Variants in TAMALIN observed in about 807,000 individuals in gnomAD.
The protein encoded by TAMALIN is trafficking regulator and scaffold protein tamalin.
Under a neutral mutation model 38.5 loss-of-function variants are expected in TAMALIN, and 9 were observed. That is an observed-to-expected ratio of 0.23 (90% CI 0.14 to 0.41). The LOEUF (loss-of-function observed/expected upper bound fraction) is 0.41. Among genes scored for constraint, TAMALIN ranks in the 10% least tolerant of loss-of-function variants. The pLI is 1.00. For synonymous variants in TAMALIN, 306 were observed against 256.5 expected (o/e 1.19, Z -1.85); for missense variants, 548 against 554.1 (o/e 0.99, Z 0.11).
chr12:52,015,103 C>G lies in TAMALIN; in HGVS notation c.1092C>G (p.Gly364=), dbSNP rs1424629866. ...GCGAGCAGGCCCTATGCGGCCCCGG[C>G]CTGCGCAAAACCAAGTACCGCAGCT... ...EAREQALCGP[G]LRKTKYRSFR... The change falls in exon 8 of 8, where the codon GGC becomes GGG. Residue 364 remains glycine, a synonymous_variant. Transcript: ENST00000293662. The G allele has an allele frequency of 6.4e-7, 1 of 1,570,362 alleles. No homozygotes were observed. The highest frequency in any genetic ancestry group is 8.6e-7 in the Non-Finnish European group (1 of 1,166,320).
At position 52,015,386 on chromosome 12, in the gene TAMALIN, T is replaced by A; in HGVS notation, c.*187T>A. 4 of 667,804 alleles carry A rather than the reference T, an allele frequency of 6.0e-6. No individual in the cohort carries two copies. The highest frequency in any genetic ancestry group is 9.3e-6 in the Non-Finnish European group (4 of 431,080). 41.4% of individuals were successfully genotyped at this position (667,804 alleles called of 1,614,324 possible). A position where few individuals can be genotyped will look rare whatever the true frequency, so the allele number is the denominator to read the frequency against. ...GGAGTGGGGGGCCCAGCCCCTTCTC[T>A]TCTCCCCCGCCAAACCACAGTGGGA... is the stretch of plus-strand genomic sequence containing the variant. On this transcript the variant is annotated 3_prime_UTR_variant, in exon 8 of 8. Coordinates refer to ENST00000293662, the MANE Select transcript of TAMALIN (RefSeq NM_181711.4).
In TAMALIN at chr12:52,011,246, C is replaced by T. The variant is rs1196209207; in HGVS notation, c.454+105C>T. On this transcript the variant is annotated intron_variant, in intron 4 of 7. Coordinates refer to ENST00000293662, the MANE Select transcript of TAMALIN (RefSeq NM_181711.4). The surrounding 1 kb of genome is among the most constrained non-coding windows in gnomAD (Gnocchi z 5.3). ...CCTGAAATCAATTCCTCTTCCTTTTCCTTCTTTGAGAAGGCCAGAAAGAAG... is the reference window on the plus strand; with the variant it reads ...CCTGAAATCAATTCCTCTTCCTTTTTCTTCTTTGAGAAGGCCAGAAAGAAG... The T allele has an allele frequency of 3.2e-6, 5 of 1,566,468 alleles. No homozygotes were observed. The highest frequency in any genetic ancestry group is 1.7e-4 in the Middle Eastern group (1 of 6,028).
chr12:52,010,823 G>A, intron 2 of TAMALIN, 58 bp from the exon 3 acceptor site: 1 of 1,586,940 alleles, frequency 6.3e-7, no homozygotes, highest in Non-Finnish European at 8.6e-7. Context: ...GGAGGCCCAA[G>A]CTATGGGACT....
rs1937771906 is a variant in TAMALIN at position 52,015,072 on chromosome 12, A to C, written c.1061A>C (p.Glu354Ala). The C allele has an allele frequency of 2.0e-6, 3 of 1,495,150 alleles. No individual in the cohort carries two copies. The highest frequency in any genetic ancestry group is 2.7e-6 in the Non-Finnish European group (3 of 1,130,508). 92.6% of individuals were successfully genotyped at this position (1,495,150 alleles called of 1,614,324 possible). A position where few individuals can be genotyped will look rare whatever the true frequency, so the allele number is the denominator to read the frequency against. Residue 354 changes from glutamate to alanine, a missense_variant, in exon 8 of 8, where the codon GAG becomes GCG. Glu to Ala is a moderately radical substitution (Grantham distance 107). This residue lies in a region of TAMALIN where 415 missense variants were observed against 417.0 expected (regional missense o/e 1.00). Transcript: ENST00000293662. ...GGCGCGCCGGGCGCGCTCTGGACTG[A>C]GGCTCGCGAGCAGGCCCTATGCGGC... ...GGGAPGALWTEAREQALCGPG... is the reference protein window; with the variant it reads ...GGGAPGALWTAAREQALCGPG...
Position 52,015,563 on chromosome 12 carries a change from T to G in TAMALIN, c.*364T>G. 1 of 197,182 alleles carries G rather than the reference T, an allele frequency of 5.1e-6. No homozygotes were observed. 12.2% of individuals were successfully genotyped at this position (197,182 alleles called of 1,614,324 possible). A position where few individuals can be genotyped will look rare whatever the true frequency, so the allele number is the denominator to read the frequency against. On this transcript the variant is annotated 3_prime_UTR_variant, in exon 8 of 8. Coordinates refer to ENST00000293662, the MANE Select transcript of TAMALIN (RefSeq NM_181711.4). Reference sequence around the variant, plus strand: ...CATGAAGCCCTCTCCTCAGCTTTACTTGCTCCCCCGCCCTTAGCCTTGGGG... The same window carrying G: ...CATGAAGCCCTCTCCTCAGCTTTACGTGCTCCCCCGCCCTTAGCCTTGGGG...
chr12:52,012,785 A>T (rs562591480), intron 4 of TAMALIN, among the ~76,000 whole-genome samples: 1 of 152,340 alleles, frequency 6.6e-6, no homozygotes, highest in East Asian at 1.9e-4. Context: ...GACATGGGGC[A>T]CACTGTGCTT....
chr12:52,013,624 G>A, intron 4 of TAMALIN, 63 bp from the exon 5 acceptor site: 3 of 1,429,860 alleles, frequency 2.1e-6, no homozygotes, highest in African/African-American at 1.4e-5. Context: ...TCTGGCTAAG[G>A]TAGGAGGCTG....
At position 52,007,334 on chromosome 12, in the gene TAMALIN, C is replaced by T; in HGVS notation, c.246+69C>T. ...GACTCCCTACAGGGCCTGCTGACTCCGCAGTGCCCTCTCCTCGGCGTCCGC... is the reference window on the plus strand; with the variant it reads ...GACTCCCTACAGGGCCTGCTGACTCTGCAGTGCCCTCTCCTCGGCGTCCGC... On this transcript the variant is annotated intron_variant, in intron 1 of 7. Coordinates refer to ENST00000293662, the MANE Select transcript of TAMALIN (RefSeq NM_181711.4). The surrounding 1 kb of genome is among the most constrained non-coding windows in gnomAD (Gnocchi z 6.7). 2 of 1,337,656 alleles carry T rather than the reference C, an allele frequency of 1.5e-6. No individual in the cohort carries two copies. Among genetic ancestry groups the T allele is most frequent in the Non-Finnish European group, 1.9e-6 (2 of 1,044,408 alleles). 82.9% of individuals were successfully genotyped at this position (1,337,656 alleles called of 1,614,324 possible). A position where few individuals can be genotyped will look rare whatever the true frequency, so the allele number is the denominator to read the frequency against.
In TAMALIN at chr12:52,007,597, G is replaced by A. The variant is rs1419501945; in HGVS notation, c.246+332G>A. On this transcript the variant is annotated intron_variant, in intron 1 of 7. Transcript: ENST00000293662. The surrounding 1 kb of genome is among the most constrained non-coding windows in gnomAD (Gnocchi z 6.7). ...CGCCTCCCCGTGGCCAGGTGTCCTG[G>A]GTCCCCAGGAGCCCCTCGCCCGAGG... 1.0e-6 allele frequency: 1 copy of A among 985,110 alleles called. No individual in the cohort carries two copies. Among genetic ancestry groups the A allele is most frequent in the East Asian group, 1.1e-4 (1 of 8,798 alleles). The allele number at this position is 985,110 out of a possible 1,614,324, so 61.0% of individuals were successfully genotyped here. A position where few individuals can be genotyped will look rare whatever the true frequency, so the allele number is the denominator to read the frequency against.
chr12:52,014,977 T>TGGGCCGC lies in TAMALIN; in HGVS notation c.975_981dup (p.Leu328GlyfsTer29), dbSNP rs1365585851. ...AGACCCCTGCCGTGGGGCCGGGCCCTGGGCCGCGGGCCGCGCTGAGCCGCA... is the reference window on the plus strand; with the variant it reads ...AGACCCCTGCCGTGGGGCCGGGCCCTGGGCCGCGGGCCGCGGGCCGCGCTGAGCCGCA... On this transcript the variant is annotated frameshift_variant, in exon 8 of 8. Transcript: ENST00000293662. LOFTEE classifies it high-confidence loss of function. 1 of 970,942 alleles carries TGGGCCGC rather than the reference T, an allele frequency of 1.0e-6. No homozygotes were observed. The highest frequency in any genetic ancestry group is 1.2e-6 in the Non-Finnish European group (1 of 817,822). The allele number at this position is 970,942 out of a possible 1,614,324, so 60.1% of individuals were successfully genotyped here. A position where few individuals can be genotyped will look rare whatever the true frequency, so the allele number is the denominator to read the frequency against.
In TAMALIN at chr12:52,007,525, C is replaced by A. The variant is rs1195014081; in HGVS notation, c.246+260C>A. On this transcript the variant is annotated intron_variant, in intron 1 of 7. Transcript: ENST00000293662. The surrounding 1 kb of genome is among the most constrained non-coding windows in gnomAD (Gnocchi z 6.7). Reference sequence around the variant, plus strand: ...TCTCCCTCCTTGACTCCTCCCAGCACCCCCCTTCTCCTACCCGCTCCATCT... The same window carrying A: ...TCTCCCTCCTTGACTCCTCCCAGCAACCCCCTTCTCCTACCCGCTCCATCT... 3 of 983,484 alleles carry A rather than the reference C, an allele frequency of 3.1e-6. No individual in the cohort carries two copies. The highest frequency in any genetic ancestry group is 3.6e-6 in the Non-Finnish European group (3 of 828,332). 60.9% of individuals were successfully genotyped at this position (983,484 alleles called of 1,614,324 possible). A position where few individuals can be genotyped will look rare whatever the true frequency, so the allele number is the denominator to read the frequency against.
In TAMALIN at chr12:52,008,015, T is replaced by C. The variant is rs942032613; in HGVS notation, c.246+750T>C. The C allele has an allele frequency of 3.3e-5, 33 of 985,410 alleles. No homozygotes were observed. The African/African-American group carries it at 5.6e-4, about 17-fold the overall frequency. 61.0% of individuals were successfully genotyped at this position (985,410 alleles called of 1,614,324 possible). ...GTTAAGAAGAGGGGCCTGGTGGCCT[T>C]TCCTCACCCAGCCGCCCTCCTTCGC... On this transcript the variant is annotated intron_variant, in intron 1 of 7. Coordinates refer to ENST00000293662, the MANE Select transcript of TAMALIN (RefSeq NM_181711.4).
rs1294778550 is a variant in TAMALIN at position 52,014,140 on chromosome 12, C to T, written c.621C>T (p.Thr207=). 4 of 1,604,092 alleles carry T rather than the reference C, an allele frequency of 2.5e-6. No homozygotes were observed. Among genetic ancestry groups the T allele is most frequent in the Non-Finnish European group, 3.4e-6 (4 of 1,175,004 alleles). ...GTGGGGACTGTCTCTTGCAGCAAAC[C>T]CTGTATGAGAAGTGGGGAGAGTACA... The part of the protein sequence containing the change: ...LEARLQYLKQ[T]LYEKWGEYRS... The change falls in exon 7 of 8, where the codon ACC becomes ACT. Residue 207 remains threonine (T), a synonymous_variant. Coordinates refer to ENST00000293662, the MANE Select transcript of TAMALIN (RefSeq NM_181711.4).
Position 52,011,443 on chromosome 12 carries a change from GCT to G in TAMALIN, c.454+305_454+306del, listed in dbSNP as rs1324233272. Reference sequence around the variant, plus strand: ...ATTAATGGTGGATGATGCTGCTGCTGCTCTGATTCCTCCCAGCAACCCTGGCA... The same window carrying G: ...ATTAATGGTGGATGATGCTGCTGCTGCTGATTCCTCCCAGCAACCCTGGCA... On this transcript the variant is annotated intron_variant, in intron 4 of 7. Transcript: ENST00000293662. This position sits in a 1 kb window ranked among gnomAD's most constrained non-coding sequence, Gnocchi z 5.3. 1.9e-5 allele frequency: 11 copies of G among 583,094 alleles called. No homozygotes were observed. The highest frequency in any genetic ancestry group is 6.1e-6 in the Non-Finnish European group (2 of 326,202). 36.1% of individuals were successfully genotyped at this position (583,094 alleles called of 1,614,324 possible). A position where few individuals can be genotyped will look rare whatever the true frequency, so the allele number is the denominator to read the frequency against.
chr12:52,007,159 C>A lies in TAMALIN; in HGVS notation c.140C>A (p.Thr47Asn). 6.7e-7 allele frequency: 1 copy of A among 1,495,458 alleles called. No homozygotes were observed. The highest frequency in any genetic ancestry group is 8.8e-7 in the Non-Finnish European group (1 of 1,131,672). The allele number at this position is 1,495,458 out of a possible 1,614,324, so 92.6% of individuals were successfully genotyped here. A position where few individuals can be genotyped will look rare whatever the true frequency, so the allele number is the denominator to read the frequency against. ...CCGGGACCCCCTGCCGCAGCCGCCA[C>A]CCCTGGGCCCCCAGCGGACGAGCTG... ...PTPGPPAAAATPGPPADELYA... is the reference protein window; with the variant it reads ...PTPGPPAAAANPGPPADELYA... Residue 47 changes from threonine to asparagine, a missense_variant, in exon 1 of 8, where the codon ACC (threonine) becomes AAC (asparagine). Coordinates refer to ENST00000293662, the MANE Select transcript of TAMALIN (RefSeq NM_181711.4). The surrounding 1 kb of genome is among the most constrained non-coding windows in gnomAD (Gnocchi z 6.7).
chr12:52,015,028 TGGCGGGGGCGGA>T lies in TAMALIN; in HGVS notation c.1028_1039del (p.Gly343_Gly346del), dbSNP rs1016896726. On this transcript the variant is annotated inframe_deletion, in exon 8 of 8. Coordinates refer to ENST00000293662, the MANE Select transcript of TAMALIN (RefSeq NM_181711.4). ...GCGCCAGTGTGCGGTGCGCGGGCCC[TGGCGGGGGCGGA>T]GGCGGGGGCGCGCCGGGCGCGCTCT... is the stretch of plus-strand genomic sequence containing the variant. 3.9e-6 allele frequency: 5 copies of T among 1,293,750 alleles called. No individual in the cohort carries two copies. Among genetic ancestry groups the T allele is most frequent in the African/African-American group, 1.6e-5 (1 of 61,938 alleles). The allele number at this position is 1,293,750 out of a possible 1,614,324, so 80.1% of individuals were successfully genotyped here. A position where few individuals can be genotyped will look rare whatever the true frequency, so the allele number is the denominator to read the frequency against.
chr12:52,014,666 G>T (rs756533679), intron 7 of TAMALIN, 28 bp from the exon 8 acceptor site: 2 of 1,445,850 alleles, frequency 1.4e-6, no homozygotes, highest in Non-Finnish European at 1.8e-6. Context: ...GGCCTGACCC[G>T]CCCCCTACCT....
rs767756018 is a variant in TAMALIN, at chr12:52,007,283, C to T, written c.246+18C>T. On this transcript the variant is annotated intron_variant, in intron 1 of 7. Transcript: ENST00000293662. The surrounding 1 kb of genome is among the most constrained non-coding windows in gnomAD (Gnocchi z 6.7). The stretch of plus-strand genomic sequence containing the variant: ...GCCGAAAGGTGCGTCCCCCGCCCGC[C>T]TTCAGGATCTGCTCAGCCCCTCTCC... 4.3e-6 allele frequency: 6 copies of T among 1,398,922 alleles called. No homozygotes were observed. The highest frequency in any genetic ancestry group is 3.0e-5 in the Admixed American group (1 of 33,222). 86.7% of individuals were successfully genotyped at this position (1,398,922 alleles called of 1,614,324 possible).
Position 52,013,740 on chromosome 12 carries a change from G to A in TAMALIN, c.508G>A (p.Glu170Lys), listed in dbSNP as rs372174057. The A allele has an allele frequency of 1.2e-6, 2 of 1,614,048 alleles. No individual in the cohort carries two copies. Among genetic ancestry groups the A allele is most frequent in the African/African-American group, 2.7e-5 (2 of 74,898 alleles). ...GLNVEGIRHREIVDIIKASGN... is the reference protein window; with the variant it reads ...GLNVEGIRHRKIVDIIKASGN... ...GAATGTGGAAGGCATCCGGCATCGAGAGATTGTGGACATCATTAAGGCGTC... is the reference window on the plus strand; with the variant it reads ...GAATGTGGAAGGCATCCGGCATCGAAAGATTGTGGACATCATTAAGGCGTC... Residue 170 changes from glutamate to lysine, a missense_variant, in exon 5 of 8, where the codon GAG (glutamate) becomes AAG (lysine). Glu to Lys is a moderately conservative substitution (Grantham distance 56). Around this residue, in one of 3 missense-constraint regions of TAMALIN, gnomAD observed 415 missense variants for 417.0 expected, o/e 1.00. Transcript: ENST00000293662.
Sources: allele counts gnomAD v4.1 joint callset (sites outside exome capture counted in the v4.1 genomes callset), GRCh38; gene constraint gnomAD v4.1.1; regional missense constraint gnomAD v4.1.1; non-coding constraint Gnocchi (gnomAD v3.1); transcripts MANE v1.5; gene names NCBI Gene and HGNC (gene_info 2026-07-23, HGNC 2026-07-21).